The following TMEM117 variants were observed in gnomAD, a reference collection of about 807,000 sequenced individuals.
TMEM117 encodes the protein transmembrane protein 117.
A neutral mutation model predicts 52.4 loss-of-function variants in TMEM117; 27 were observed. The observed-to-expected ratio is 0.51, with a 90% CI of 0.38 to 0.71. TMEM117 has a LOEUF of 0.71. TMEM117 is among the 30% of genes least tolerant of loss of function. TMEM117 has a pLI of 0.00. For synonymous variants in TMEM117, 215 were observed against 206.3 expected (o/e 1.04, Z -0.36); for missense variants, 556 against 630.5 (o/e 0.88, Z 1.26).
At chr12:44,291,385 T>G (rs868737588) in intron 5 of TMEM117, among the ~76,000 whole-genome samples, 3,935 of 148,900 alleles carry the variant, frequency 0.026, 100 homozygotes, top group African/African-American at 0.053. Context: ...TTTTTTTTTT[T>G]TTTTTTTTTT....
At chr12:44,398,584 G>T in the TMEM117 span, among the ~76,000 whole-genome samples, 1 of 152,132 alleles carries the variant, frequency 6.6e-6, no homozygotes, top group East Asian at 1.9e-4. Flanking sequence ...CCATATGGGG[G>T]AAAGTAACAC....
chr12:43,919,620 T>C (rs981482736), intron 2 of TMEM117, among the ~76,000 whole-genome samples: 1 of 152,214 alleles, frequency 6.6e-6, no homozygotes, highest in Non-Finnish European at 1.5e-5. Context: ...GATGCAGATA[T>C]CACTTTGAGA....
chr12:44,318,497 A>T (rs762765304), intron 6 of TMEM117: 2 of 152,104 alleles, frequency 1.3e-5, no homozygotes, highest in Non-Finnish European at 2.9e-5. Flanking sequence ...AGGGTGGCTA[A>T]GGTTGCTGAT....
the TMEM117 span, chr12:43,799,389 G>C: frequency 6.3e-7 from 1 of 1,577,258 alleles, no homozygotes; most frequent in Non-Finnish European, 8.7e-7. Flanking sequence ...CTTTGTAGTT[G>C]TAACTTACCT....
intron 3 of TMEM117, among the ~76,000 whole-genome samples, chr12:43,979,420 A>G (rs909043628): frequency 2.0e-5 from 3 of 152,176 alleles, no homozygotes; most frequent in Admixed American, 6.6e-5. Context: ...CCTGATTTAC[A>G]TGATACTGAC....
chr12:43,815,603 G>A, the TMEM117 span, among the ~76,000 whole-genome samples: 18 of 152,320 alleles, frequency 1.2e-4, no homozygotes, highest in African/African-American at 4.3e-4. Context: ...TTTGTTTGGA[G>A]TCAAGGTGTC....
chr12:43,912,128 A>G (rs1486567965), intron 2 of TMEM117, among the ~76,000 whole-genome samples: 13 of 149,276 alleles, frequency 8.7e-5, no homozygotes, highest in Non-Finnish European at 1.0e-4. Context: ...CTGGATTAAG[A>G]AAATGTGGCA....
chr12:43,884,894 C>T (rs999391927), intron 2 of TMEM117, among the ~76,000 whole-genome samples: 1 of 152,186 alleles, frequency 6.6e-6, no homozygotes, highest in African/African-American at 2.4e-5. Flanking sequence ...GCACACAGCA[C>T]AAGCACCATC....
At chr12:43,859,863 ACTTAAATTATCATTAGATCAT>A (rs1330309140) in intron 2 of TMEM117, among the ~76,000 whole-genome samples, 1 of 152,226 alleles carries the variant, frequency 6.6e-6, no homozygotes, top group African/African-American at 2.4e-5. Context: ...AAAATTGGCA[ACTTAAATTATCATTAGATCAT>A]CTTACTTTAT....
intron 4 of TMEM117, among the ~76,000 whole-genome samples, chr12:44,170,447 T>G (rs1344345903): frequency 6.6e-6 from 1 of 151,938 alleles, no homozygotes; most frequent in Admixed American, 6.6e-5. Flanking sequence ...GTAAAAAAAT[T>G]TATAATTTTT....
intron 5 of TMEM117, among the ~76,000 whole-genome samples, chr12:44,269,099 T>C (rs1455694811): frequency 6.6e-6 from 1 of 152,198 alleles, no homozygotes; most frequent in Non-Finnish European, 1.5e-5. Flanking sequence ...TTTTTATACC[T>C]GTATCTGGTA....
chr12:43,846,274 A>G (rs569005005), intron 2 of TMEM117, among the ~76,000 whole-genome samples: 1 of 152,336 alleles, frequency 6.6e-6, no homozygotes, highest in South Asian at 2.1e-4. Flanking sequence ...TGAGGGTAGA[A>G]TGAAGTGACA....
intron 3 of TMEM117, among the ~76,000 whole-genome samples, chr12:43,946,772 T>C (rs1428212370): frequency 6.6e-6 from 1 of 152,200 alleles, no homozygotes; most frequent in Non-Finnish European, 1.5e-5. Context: ...TTATTCAAGC[T>C]GAATTTGACA....
chr12:43,812,186 A>C, the TMEM117 span, among the ~76,000 whole-genome samples: 1 of 152,232 alleles, frequency 6.6e-6, no homozygotes, highest in African/African-American at 2.4e-5. Context: ...GTAATCTTAC[A>C]ATTCTGGTTT....
chr12:44,021,841 G>A (rs1325838728), intron 3 of TMEM117, among the ~76,000 whole-genome samples: 1 of 152,182 alleles, frequency 6.6e-6, no homozygotes, highest in Non-Finnish European at 1.5e-5. Context: ...GTCTCTGGAA[G>A]TACTCTTGCT....
intron 5 of TMEM117, among the ~76,000 whole-genome samples, chr12:44,259,273 A>G (rs1318637612): frequency 1.3e-5 from 2 of 152,194 alleles, no homozygotes; most frequent in Non-Finnish European, 2.9e-5. Context: ...TATATAAATT[A>G]TCTCACATAG....
intron 5 of TMEM117, chr12:44,263,892 A>G (rs1483549686): frequency 1.3e-5 from 2 of 152,226 alleles, no homozygotes; most frequent in East Asian, 1.9e-4. Context: ...CTTTTAGTTC[A>G]TAATTTATTT....
At chr12:44,140,859 T>G (rs1948561166) in intron 3 of TMEM117, among the ~76,000 whole-genome samples, 1 of 152,060 alleles carries the variant, frequency 6.6e-6, no homozygotes, top group Admixed American at 6.6e-5. Context: ...CCTAATGCTC[T>G]TTAGAGATTT....
intron 3 of TMEM117, among the ~76,000 whole-genome samples, chr12:44,008,053 T>C (rs1946229520): frequency 6.6e-6 from 1 of 152,150 alleles, no homozygotes; most frequent in African/African-American, 2.4e-5. Flanking sequence ...TGGCACCAGT[T>C]TGAAAGCCTC....
Sources: allele counts gnomAD v4.1 joint callset (sites outside exome capture counted in the v4.1 genomes callset), GRCh38; gene constraint gnomAD v4.1.1; transcripts MANE v1.5; gene names NCBI Gene and HGNC (gene_info 2026-07-23, HGNC 2026-07-21).